The following KCNMA1 variants were observed in gnomAD, a reference collection of about 807,000 sequenced individuals.
The protein encoded by KCNMA1 is potassium calcium-activated channel subfamily M alpha 1.
In KCNMA1, 29 loss-of-function variants were observed where a neutral mutation model predicts 140.0. The ratio of observed to expected loss-of-function variants is 0.21; its 90% CI spans 0.15 to 0.28. The LOEUF (loss-of-function observed/expected upper bound fraction) is 0.28. KCNMA1 is among the 10% of genes least tolerant of loss of function. The pLI, the probability that KCNMA1 is intolerant of heterozygous loss-of-function variation, is 1.00. For missense variants in KCNMA1, 880 were observed against 1,602.2 expected (o/e 0.55, Z 7.70); for synonymous variants, 612 against 611.9 (o/e 1.00, Z 0.00).
intron 3 of KCNMA1, among the ~76,000 whole-genome samples, chr10:77,193,038 CT>C (rs2039127918): frequency 6.8e-6 from 1 of 147,624 alleles, no homozygotes; most frequent in African/African-American, 2.5e-5. Context: ...TGTTATTCTC[CT>C]TTTTTCCTAG....
chr10:77,590,380 G>A (rs1178720162), intron 1 of KCNMA1, among the ~76,000 whole-genome samples: 1 of 152,224 alleles, frequency 6.6e-6, no homozygotes, highest in Non-Finnish European at 1.5e-5. Context: ...CCACGGAGGG[G>A]CAGGGAGGCT....
At chr10:76,971,734 G>A (rs1034116798) in intron 19 of KCNMA1, among the ~76,000 whole-genome samples, 1 of 152,092 alleles carries the variant, frequency 6.6e-6, no homozygotes, top group Non-Finnish European at 1.5e-5. Flanking sequence ...GGATGATATC[G>A]CATCTTATCA....
At chr10:77,139,867 A>C (rs2098127967) in intron 5 of KCNMA1, among the ~76,000 whole-genome samples, 1 of 152,194 alleles carries the variant, frequency 6.6e-6, no homozygotes, top group Non-Finnish European at 1.5e-5. Context: ...ATGTAAGGAC[A>C]GAAAATGAGC....
chr10:77,313,406 G>A (rs541109978), intron 2 of KCNMA1, among the ~76,000 whole-genome samples: 1 of 152,252 alleles, frequency 6.6e-6, no homozygotes, highest in Admixed American at 6.5e-5. Context: ...AGTCCATGAG[G>A]GGACAGGGCC....
chr10:76,907,926 C>T (rs2048450881), intron 25 of KCNMA1, among the ~76,000 whole-genome samples: 1 of 152,084 alleles, frequency 6.6e-6, no homozygotes, highest in Non-Finnish European at 1.5e-5. Context: ...ATTATGTAGC[C>T]AGTCCTGCTA....
At chr10:76,989,133 G>C (rs1021352473) in intron 19 of KCNMA1, among the ~76,000 whole-genome samples, 1 of 152,138 alleles carries the variant, frequency 6.6e-6, no homozygotes, top group Non-Finnish European at 1.5e-5. Context: ...CAAATCACTG[G>C]AGCATAGATA....
chr10:77,165,736 T>A (rs926544769), intron 5 of KCNMA1, among the ~76,000 whole-genome samples: 2 of 152,220 alleles, frequency 1.3e-5, no homozygotes, highest in Admixed American at 6.5e-5. Context: ...TCTTAGCTAT[T>A]CACTTGACAT....
chr10:77,429,720 C>T (rs1190355553), intron 1 of KCNMA1, among the ~76,000 whole-genome samples: 1 of 152,102 alleles, frequency 6.6e-6, no homozygotes, highest in Non-Finnish European at 1.5e-5. Flanking sequence ...TCAAACAAAA[C>T]CCCTTTATTC....
chr10:77,317,953 T>C (rs1006063769), intron 2 of KCNMA1, among the ~76,000 whole-genome samples: 9 of 152,184 alleles, frequency 5.9e-5, no homozygotes, highest in Admixed American at 2.6e-4. Context: ...AGCCCGCATC[T>C]TCAACCTGGA....
At chr10:76,878,025 AAGAG>A (rs2032811417) in intron 29 of KCNMA1, 10 of 832,332 alleles carry the variant, frequency 1.2e-5, no homozygotes, top group Non-Finnish European at 2.0e-5. Flanking sequence ...AGTAATTGCT[AAGAG>A]AGACAGTGCA....
chr10:77,020,816 C>T (rs1254294312), intron 16 of KCNMA1: 5 of 152,116 alleles, frequency 3.3e-5, no homozygotes, highest in South Asian at 2.1e-4. Flanking sequence ...CATGCCCTGG[C>T]TCTGCAATCA....
intron 5 of KCNMA1, among the ~76,000 whole-genome samples, chr10:77,138,699 G>A (rs1156440619): frequency 2.0e-5 from 3 of 152,052 alleles, no homozygotes; most frequent in South Asian, 2.1e-4. Flanking sequence ...TCCTTATCTC[G>A]CTCTGGAAGG....
At chr10:77,187,249 T>A (rs114836552) in intron 3 of KCNMA1, among the ~76,000 whole-genome samples, 3 of 152,174 alleles carry the variant, frequency 2.0e-5, no homozygotes, top group Admixed American at 2.0e-4. Context: ...GGATTCAACA[T>A]AAATGGAAAC....
chr10:77,019,135 T>C (rs1180842942), intron 16 of KCNMA1, 36 bp from the exon 17 acceptor site: 2 of 1,115,432 alleles, frequency 1.8e-6, no homozygotes, highest in Middle Eastern at 2.0e-4. Flanking sequence ...AGAAGATACA[T>C]TTGTGAGGTC....
At chr10:77,575,206 G>A (rs1014653792) in intron 1 of KCNMA1, among the ~76,000 whole-genome samples, 6 of 152,130 alleles carry the variant, frequency 3.9e-5, no homozygotes, top group African/African-American at 1.4e-4. Flanking sequence ...TCCAATGCTA[G>A]GACAGTGCTG....
intron 1 of KCNMA1, among the ~76,000 whole-genome samples, chr10:77,520,645 G>A (rs1414318303): frequency 2.0e-5 from 3 of 152,002 alleles, no homozygotes; most frequent in Non-Finnish European, 4.4e-5. Flanking sequence ...CCATCCATCA[G>A]CCAATATCCA....
At chr10:77,400,804 T>C (rs117380190) in intron 2 of KCNMA1, among the ~76,000 whole-genome samples, 1 of 152,070 alleles carries the variant, frequency 6.6e-6, no homozygotes, top group East Asian at 1.9e-4. Context: ...GATCATAACA[T>C]ATAAGGTTAG....
At chr10:77,253,683 G>A (rs891364058) in intron 2 of KCNMA1, among the ~76,000 whole-genome samples, 2 of 152,220 alleles carry the variant, frequency 1.3e-5, no homozygotes, top group Non-Finnish European at 2.9e-5. Context: ...CCCTGGCCCT[G>A]AAGACTCTGT....
intron 2 of KCNMA1, among the ~76,000 whole-genome samples, chr10:77,276,080 C>T (rs907700177): frequency 2.0e-5 from 3 of 152,216 alleles, no homozygotes; most frequent in African/African-American, 7.2e-5. Context: ...GCTGAGTCAA[C>T]ATGAGTACCA....
Sources: allele counts gnomAD v4.1 joint callset (sites outside exome capture counted in the v4.1 genomes callset), GRCh38; gene constraint gnomAD v4.1.1; transcripts MANE v1.5; gene names NCBI Gene and HGNC (gene_info 2026-07-23, HGNC 2026-07-21).